GABBR2: variants seen among roughly 807,000 people sequenced by gnomAD.
The protein encoded by GABBR2 is G-protein coupled receptor 51.
Under a neutral mutation model 105.6 loss-of-function variants are expected in GABBR2, and 23 were observed. That is an observed-to-expected ratio of 0.22 (90% CI 0.16 to 0.31). The LOEUF is 0.31. Ranked by LOEUF, GABBR2 falls within the 10% of genes least tolerant of loss-of-function variation. The pLI is 1.00. For missense variants in GABBR2, 734 were observed against 1,245.5 expected, an observed-to-expected ratio of 0.59 and a Z score of 6.18; for synonymous variants, 478 against 499.7, an observed-to-expected ratio of 0.96 and a Z score of 0.58.
intron 7 of GABBR2, among the ~76,000 whole-genome samples, chr9:98,408,367 C>T (rs932598667): frequency 3.3e-5 from 5 of 152,192 alleles, no homozygotes; most frequent in African/African-American, 9.7e-5. Context: ...GATGGAGACA[C>T]GGATGTGTAA....
chr9:98,441,354 GTTA>G (rs10551324), intron 7 of GABBR2, among the ~76,000 whole-genome samples: 32,080 of 151,556 alleles, frequency 0.21, 3,460 homozygotes, highest in Middle Eastern at 0.29. Context: ...TCTGAAGGAA[GTTA>G]TTATTATTAT....
chr9:98,350,053 C>G (rs1831369787), intron 13 of GABBR2, among the ~76,000 whole-genome samples: 1 of 151,894 alleles, frequency 6.6e-6, no homozygotes, highest in Non-Finnish European at 1.5e-5. Flanking sequence ...TCATAATAGT[C>G]TCTAGTGATC....
chr9:98,492,743 T>C (rs1216884399), intron 4 of GABBR2, among the ~76,000 whole-genome samples: 1 of 152,176 alleles, frequency 6.6e-6, no homozygotes, highest in Admixed American at 6.5e-5. Context: ...CTGATGTTTT[T>C]CTCATGGTTA....
At chr9:98,590,925 T>G (rs1297724112) in intron 1 of GABBR2, among the ~76,000 whole-genome samples, 1 of 152,164 alleles carries the variant, frequency 6.6e-6, no homozygotes. Context: ...GAATATTCAT[T>G]CATCCCATAA....
At chr9:98,629,692 A>G (rs1013734968) in intron 1 of GABBR2, among the ~76,000 whole-genome samples, 1 of 152,124 alleles carries the variant, frequency 6.6e-6, no homozygotes, top group African/African-American at 2.4e-5. Context: ...CAATTGGCTC[A>G]CCCCTTTTTT....
At position 98,351,827 on chromosome 9, in the gene GABBR2, T is replaced by C. The variant is rs570918258; in HGVS notation, c.1893+10888A>G. 2.0e-5 allele frequency among the ~76,000 whole-genome samples: 3 copies of C among 152,366 alleles called. No individual in the cohort carries two copies. In the East Asian group the frequency reaches 5.8e-4, roughly 29 times the overall value. ...CTTTTCTGGCATTTCATAGATTTCC[T>C]TTCTTTGGAATATGTTATTGGAGAA... On this transcript the variant is annotated intron_variant, in intron 13 of 18. Coordinates refer to ENST00000259455, the MANE Select transcript of GABBR2 (RefSeq NM_005458.8).
intron 1 of GABBR2, among the ~76,000 whole-genome samples, chr9:98,630,923 G>T (rs572238665): frequency 1.3e-5 from 2 of 152,044 alleles, no homozygotes; most frequent in East Asian, 3.8e-4. Context: ...CAGTTCCTTC[G>T]TTATTACACT....
chr9:98,522,684 A>G (rs1827890458), intron 3 of GABBR2, among the ~76,000 whole-genome samples: 1 of 152,254 alleles, frequency 6.6e-6, no homozygotes, highest in Non-Finnish European at 1.5e-5. Flanking sequence ...CCTGAAAAAC[A>G]AAAGATGTAC....
At chr9:98,488,270 G>A (rs564556412) in intron 4 of GABBR2, among the ~76,000 whole-genome samples, 2 of 152,270 alleles carry the variant, frequency 1.3e-5, no homozygotes, top group South Asian at 4.1e-4. Context: ...TCCCTCTCTG[G>A]AAAGGCCTTA....
At chr9:98,494,454 T>A (rs1827237095) in intron 4 of GABBR2, among the ~76,000 whole-genome samples, 1 of 152,144 alleles carries the variant, frequency 6.6e-6, no homozygotes, top group African/African-American at 2.4e-5. Context: ...GAGTACTCTG[T>A]CATTAGTGCT....
At chr9:98,303,984 A>G (rs1372463974) in intron 15 of GABBR2, among the ~76,000 whole-genome samples, 2 of 152,250 alleles carry the variant, frequency 1.3e-5, no homozygotes, top group African/African-American at 4.8e-5. Flanking sequence ...CATTTTGTAT[A>G]GAAAACAAAA....
chr9:98,473,193 C>T lies in GABBR2; in HGVS notation c.952G>A (p.Asp318Asn). 6.2e-7 allele frequency: 1 copy of T among 1,613,930 alleles called. No homozygotes were observed. The highest frequency in any genetic ancestry group is 8.5e-7 in the Non-Finnish European group (1 of 1,179,984). ...TGCTTGGAGCTCAGGGGCTCGAAAT[C>T]CACGCCAATGTAGCCCTCCATGGCA... ...LAAMEGYIGV[D>N]FEPLSSKQIK... Residue 318 changes from aspartate (D) to asparagine (N), a missense_variant, in exon 6 of 19, where the codon GAT becomes AAT. Coordinates refer to ENST00000259455, the MANE Select transcript of GABBR2 (RefSeq NM_005458.8).
rs761293633 is a variant in GABBR2, at chr9:98,480,957, T to C, written c.773A>G (p.Asn258Ser). The change falls in exon 5 of 19, where the codon AAT becomes AGT. Residue 258 changes from asparagine to serine, a missense_variant. Physicochemically the swap from Asn to Ser is conservative, Grantham distance 46. Around this residue, in one of 7 missense-constraint regions of GABBR2, gnomAD observed 370 missense variants for 648.9 expected, o/e 0.57. Transcript: ENST00000259455. The part of the protein sequence containing the change: ...VRIILGQFDQ[N>S]MAAKVFCCAY... ...ACAACAGAACACTTTTGCTGCCATA[T>C]TCTGGTCAAACTGGCCAAGGATGAT... 1 of 1,605,784 alleles carries C rather than the reference T, an allele frequency of 6.2e-7. No homozygotes were observed. The highest frequency in any genetic ancestry group is 1.7e-5 in the Admixed American group (1 of 60,018).
chr9:98,643,882 C>G (rs2131839444), intron 1 of GABBR2, among the ~76,000 whole-genome samples: 1 of 152,310 alleles, frequency 6.6e-6, no homozygotes, highest in African/African-American at 2.4e-5. Context: ...GAGAACAGAG[C>G]CAACACCCAG....
At chr9:98,380,809 C>T (rs1831960084) in intron 11 of GABBR2, among the ~76,000 whole-genome samples, 1 of 152,204 alleles carries the variant, frequency 6.6e-6, no homozygotes. Flanking sequence ...CGCACCCACC[C>T]TCGTCCGAGC....
At chr9:98,423,966 T>C (rs944032734) in intron 7 of GABBR2, among the ~76,000 whole-genome samples, 10 of 152,212 alleles carry the variant, frequency 6.6e-5, no homozygotes, top group Non-Finnish European at 1.5e-4. Flanking sequence ...TATCTATATC[T>C]ATATCTGATC....
intron 1 of GABBR2, among the ~76,000 whole-genome samples, chr9:98,595,888 C>T (rs1400441406): frequency 6.6e-6 from 1 of 152,120 alleles, no homozygotes; most frequent in African/African-American, 2.4e-5. Context: ...GTCCTCTTTC[C>T]CCAGCCACAG....
At chr9:98,708,305 GGC>G (rs1042760696) in intron 1 of GABBR2, 110 bp downstream of exon 1, 16 of 1,136,468 alleles carry the variant, frequency 1.4e-5, no homozygotes, top group Non-Finnish European at 1.8e-5. Context: ...GCCCTCGGCA[GGC>G]GCGGGCCGGT....
intron 1 of GABBR2, among the ~76,000 whole-genome samples, chr9:98,597,726 A>G (rs1198179711): frequency 1.3e-5 from 2 of 152,186 alleles, no homozygotes; most frequent in East Asian, 1.9e-4. Context: ...ATGCACTCAG[A>G]GCAATAAGAA....
Sources: gnomAD v4.1 joint callset for allele counts (sites outside exome capture counted in the v4.1 genomes callset) on GRCh38, gnomAD v4.1.1 for gene constraint, gnomAD v4.1.1 regional missense constraint, MANE v1.5 for transcripts, NCBI Gene and HGNC (gene_info 2026-07-23, HGNC 2026-07-21) for gene names.